The following ITGB1 variants were observed in gnomAD, a reference collection of about 807,000 sequenced individuals.
The protein encoded by ITGB1 is integrin beta-1.
Under a neutral mutation model 86.5 loss-of-function variants are expected in ITGB1, and 24 were observed. The observed-to-expected ratio is 0.28, with a 90% CI of 0.20 to 0.39. The LOEUF is 0.39. ITGB1 is among the 10% of genes least tolerant of loss of function. The pLI is 1.00. For synonymous variants in ITGB1, 323 were observed against 316.8 expected (o/e 1.02, Z -0.21); for missense variants, 556 against 946.9 (o/e 0.59, Z 5.42).
At chr10:32,911,381 A>T (rs2137170200) in intron 13 of ITGB1, 67 bp downstream of exon 13, 1 of 1,372,610 alleles carries the variant, frequency 7.3e-7, no homozygotes, top group South Asian at 1.2e-5. Flanking sequence ...CTGGTTCTAG[A>T]AACAATACAG....
At chr10:32,905,104 T>TA (rs2094892480) in intron 15 of ITGB1, among the ~76,000 whole-genome samples, 2 of 151,686 alleles carry the variant, frequency 1.3e-5, no homozygotes, top group African/African-American at 4.8e-5. Context: ...AAAATGACTT[T>TA]CTGTAAAGTA....
chr10:32,943,489 TG>T (rs934298905), intron 1 of ITGB1, among the ~76,000 whole-genome samples: 2 of 78,320 alleles, frequency 2.6e-5, no homozygotes, highest in African/African-American at 1.0e-4. Flanking sequence ...AAGGTGGGGG[TG>T]GGGGGCAAAG....
At chr10:32,945,038 C>A (rs185708349) in intron 1 of ITGB1, 2 of 566,704 alleles carry the variant, frequency 3.5e-6, no homozygotes, top group South Asian at 1.9e-5. Context: ...GATGAGCAAA[C>A]CTCCTATTCC....
intron 15 of ITGB1, among the ~76,000 whole-genome samples, chr10:32,903,451 T>C (rs564134333): frequency 2.2e-5 from 1 of 45,762 alleles, no homozygotes; most frequent in African/African-American, 4.6e-5. Flanking sequence ...GGCCTTGCTA[T>C]GAAGTCTGAA....
chr10:32,902,664 C>T (rs1201702274), intron 15 of ITGB1, among the ~76,000 whole-genome samples: 1 of 152,104 alleles, frequency 6.6e-6, no homozygotes, highest in African/African-American at 2.4e-5. Context: ...ATAGAACCAA[C>T]TGCAGGTGAT....
chr10:32,921,693 T>C (rs1447702308), intron 9 of ITGB1, among the ~76,000 whole-genome samples: 1 of 152,200 alleles, frequency 6.6e-6, no homozygotes, highest in Non-Finnish European at 1.5e-5. Context: ...TCAATTCAAC[T>C]TCCTCCCATC....
intron 1 of ITGB1, among the ~76,000 whole-genome samples, chr10:32,947,032 A>G (rs2095032924): frequency 6.6e-6 from 1 of 151,890 alleles, no homozygotes; most frequent in Non-Finnish European, 1.5e-5. Context: ...TAGTAGAGAC[A>G]GGGTTTTGCT....
At chr10:32,909,844 T>A (rs1291996593) in intron 14 of ITGB1, among the ~76,000 whole-genome samples, 2 of 152,046 alleles carry the variant, frequency 1.3e-5, no homozygotes, top group Non-Finnish European at 2.9e-5. Flanking sequence ...TATATTAATA[T>A]CCTTTAACAA....
chr10:32,944,076 G>C (rs571665289), intron 1 of ITGB1, among the ~76,000 whole-genome samples: 25 of 152,336 alleles, frequency 1.6e-4, no homozygotes, highest in South Asian at 1.4e-3. Flanking sequence ...GGAGCCGCAG[G>C]GGAAAAAGCA....
intron 2 of ITGB1, among the ~76,000 whole-genome samples, chr10:32,934,123 T>C (rs1321324464): frequency 6.6e-6 from 1 of 152,152 alleles, no homozygotes; most frequent in Non-Finnish European, 1.5e-5. Flanking sequence ...GAAGAGCATA[T>C]TAACATTTCT....
At chr10:32,911,864 C>T (rs1170089225) in intron 12 of ITGB1, 22 bp downstream of exon 12, 3 of 1,578,492 alleles carry the variant, frequency 1.9e-6, no homozygotes, top group South Asian at 1.1e-5. Context: ...CATCTTACAA[C>T]CACTTCAGGC....
chr10:32,904,192 C>T lies in ITGB1; in HGVS notation c.2332-2557G>A, dbSNP rs191093175. Among the ~76,000 whole-genome samples, 1,135 of 152,200 alleles carry T rather than the reference C, an allele frequency of 7.5e-3. 9 individuals are homozygous for T. The highest frequency in any genetic ancestry group is 0.012 in the Non-Finnish European group (812 of 68,012). On this transcript the variant is annotated intron_variant, in intron 15 of 15. Transcript: ENST00000302278. ...ATGCAAGGTTAGAGGTAAAATTAAG[C>T]TCACTATCTGTATTAGGCATCATTT...
intron 15 of ITGB1, among the ~76,000 whole-genome samples, chr10:32,905,527 A>C (rs2094893624): frequency 6.6e-6 from 1 of 152,224 alleles, no homozygotes; most frequent in Non-Finnish European, 1.5e-5. Context: ...CTAACCAGGT[A>C]ACGGGACTTC....
intron 1 of ITGB1, chr10:32,944,848 G>T: frequency 8.3e-7 from 1 of 1,198,498 alleles, no homozygotes; most frequent in South Asian, 1.2e-5. Flanking sequence ...ATCTGACTGG[G>T]GATCCTCTCA....
chr10:32,929,793 C>G (rs1345135577), intron 4 of ITGB1, 29 bp downstream of exon 4: 1 of 1,255,644 alleles, frequency 8.0e-7, no homozygotes, highest in South Asian at 1.2e-5. Context: ...AGTAAACACG[C>G]AGGTATTCAC....
Position 32,916,488 on chromosome 10 carries a change from A to C in ITGB1, c.1469+3397T>G, listed in dbSNP as rs539457213. Among the ~76,000 whole-genome samples the C allele has an allele frequency of 2.0e-5, 3 of 152,362 alleles. No homozygotes were observed. The South Asian group carries it at 6.2e-4, about 32-fold the overall frequency. The stretch of plus-strand genomic sequence containing the variant: ...CCTTAAGCTGATAAGCAACTTCAGC[A>C]AAGTCTCAGGATACAAAAATCAATG... On this transcript the variant is annotated intron_variant, in intron 11 of 15. Coordinates refer to ENST00000302278, the MANE Select transcript of ITGB1 (RefSeq NM_002211.4).
intron 13 of ITGB1, among the ~76,000 whole-genome samples, chr10:32,911,229 A>C (rs900399726): frequency 6.6e-6 from 1 of 152,232 alleles, no homozygotes; most frequent in Non-Finnish European, 1.5e-5. Context: ...ATTCAGATCA[A>C]AATAATAGTA....
chr10:32,904,295 C>T lies in ITGB1; in HGVS notation c.2332-2660G>A, dbSNP rs75063790. 3.3e-5 allele frequency among the ~76,000 whole-genome samples: 5 copies of T among 152,160 alleles called. No individual in the cohort carries two copies. The South Asian group carries it at 8.3e-4, about 25-fold the overall frequency. The stretch of plus-strand genomic sequence containing the variant: ...AACACCACCCCACCCCAAAAAAACC[C>T]GCAGCAAGAGAACAGGGTTATATTA... On this transcript the variant is annotated intron_variant, in intron 15 of 15. Transcript: ENST00000302278.
intron 15 of ITGB1, among the ~76,000 whole-genome samples, chr10:32,904,028 TAAAG>T (rs2094889735): frequency 6.9e-6 from 1 of 145,576 alleles, no homozygotes; most frequent in Non-Finnish European, 1.5e-5. Flanking sequence ...AAACAAAAAA[TAAAG>T]AAAAAAAGCC....
Sources: gnomAD v4.1 joint callset for allele counts (sites outside exome capture counted in the v4.1 genomes callset) on GRCh38, gnomAD v4.1.1 for gene constraint, MANE v1.5 for transcripts, NCBI Gene and HGNC (gene_info 2026-07-23, HGNC 2026-07-21) for gene names.